Variants in C14orf132 observed in about 807,000 individuals in gnomAD.
The protein encoded by C14orf132 is uncharacterized protein C14orf132.
A neutral mutation model predicts 5.8 loss-of-function variants in C14orf132; 6 were observed. The observed-to-expected ratio is 1.03, with a 90% CI of 0.57 to 2.04. C14orf132 has a LOEUF of 2.04. C14orf132 is among the 30% of genes most tolerant of loss of function. The probability of loss-of-function intolerance (pLI) is 0.00; values close to 1 mark genes in which losing one functional copy is unlikely to be tolerated. For missense variants in C14orf132, 125 were observed against 115.8 expected (o/e 1.08, Z -0.37); for synonymous variants, 51 against 49.8 (o/e 1.02, Z -0.10).
At chr14:96,047,566 C>G (rs1886863896) in intron 1 of C14orf132, among the ~76,000 whole-genome samples, 1 of 152,198 alleles carries the variant, frequency 6.6e-6, no homozygotes, top group Non-Finnish European at 1.5e-5. Flanking sequence ...CAGACAAACC[C>G]TGTGCTGAGC....
At chr14:96,045,995 C>A (rs1886823524) in intron 1 of C14orf132, among the ~76,000 whole-genome samples, 1 of 152,184 alleles carries the variant, frequency 6.6e-6, no homozygotes, top group Non-Finnish European at 1.5e-5. Flanking sequence ...GGATTTCATC[C>A]TGCAAGGGCT....
At chr14:96,048,599 A>G (rs1289803887) in intron 1 of C14orf132, among the ~76,000 whole-genome samples, 5 of 151,988 alleles carry the variant, frequency 3.3e-5, no homozygotes, top group Admixed American at 1.3e-4. Context: ...ATCTCAGCTC[A>G]TTGCAATCTC....
intron 1 of C14orf132, among the ~76,000 whole-genome samples, chr14:96,063,722 G>T (rs112470062): frequency 6.8e-4 from 104 of 152,172 alleles, no homozygotes; most frequent in African/African-American, 2.5e-3. Flanking sequence ...TAAATAGCTG[G>T]GACCTAATTA....
intron 1 of C14orf132, among the ~76,000 whole-genome samples, chr14:96,059,828 C>T (rs1446427354): frequency 6.6e-6 from 1 of 152,220 alleles, no homozygotes; most frequent in East Asian, 1.9e-4. Flanking sequence ...GAGCTTTCTC[C>T]TGCTGAGGGT....
chr14:96,068,593 A>G (rs1887605217), intron 1 of C14orf132, among the ~76,000 whole-genome samples: 1 of 152,154 alleles, frequency 6.6e-6, no homozygotes, highest in Non-Finnish European at 1.5e-5. Flanking sequence ...TGCCTCCCTC[A>G]GGATGAGCAC....
chr14:96,090,748 T>G lies in C14orf132; in HGVS notation c.*4013T>G. 1 of 456,022 alleles carries G rather than the reference T, an allele frequency of 2.2e-6. No homozygotes were observed. Among genetic ancestry groups the G allele is most frequent in the African/African-American group, 2.0e-5 (1 of 50,188 alleles). 28.2% of individuals were successfully genotyped at this position (456,022 alleles called of 1,614,324 possible). The stretch of plus-strand genomic sequence containing the variant: ...ATTTCGCTGGAAAGGCAGCAGATGC[T>G]TTTCCAGCCCCGGTTCAGCTGGAAG... On this transcript the variant is annotated 3_prime_UTR_variant, in exon 2 of 2. Transcript: ENST00000555004.
At chr14:96,040,997 T>C (rs945037794) in intron 1 of C14orf132, among the ~76,000 whole-genome samples, 1 of 152,164 alleles carries the variant, frequency 6.6e-6, no homozygotes, top group Admixed American at 6.5e-5. Flanking sequence ...GGAGCATCAG[T>C]TGCTGCCATG....
intron 1 of C14orf132, among the ~76,000 whole-genome samples, chr14:96,055,774 G>A (rs769293384): frequency 6.6e-6 from 1 of 152,178 alleles, no homozygotes; most frequent in Non-Finnish European, 1.5e-5. Flanking sequence ...CAAGATCACT[G>A]TGATTTAGAG....
At position 96,086,690 on chromosome 14, in the gene C14orf132, G is replaced by A. The variant is rs1888203462; in HGVS notation, c.207G>A (p.Leu69=). ...TATGGATTGCCATCATAGCTACGCT[G>A]GGGAACATCGTGGTGGTGGGCGTGG... ...VLLWIAIIAT[L]GNIVVVGVVY... Residue 69 remains leucine (L), a synonymous_variant, in exon 2 of 2, where the codon CTG becomes CTA. Coordinates refer to ENST00000555004, the MANE Select transcript of C14orf132 (RefSeq NM_001252507.3). The A allele has an allele frequency of 6.5e-7, 1 of 1,536,032 alleles. No individual in the cohort carries two copies. Among genetic ancestry groups the A allele is most frequent in the Admixed American group, 2.0e-5 (1 of 50,980 alleles).
At chr14:96,059,797 T>C (rs1218299765) in intron 1 of C14orf132, among the ~76,000 whole-genome samples, 3 of 152,220 alleles carry the variant, frequency 2.0e-5, no homozygotes, top group Non-Finnish European at 4.4e-5. Context: ...ATCTGTTTCC[T>C]TTCTTCACTC....
intron 1 of C14orf132, among the ~76,000 whole-genome samples, chr14:96,048,140 A>T (rs2139644843): frequency 6.6e-6 from 1 of 152,298 alleles, no homozygotes; most frequent in South Asian, 2.1e-4. Flanking sequence ...TTGAGCTGAG[A>T]TCGAGCCATT....
chr14:96,045,777 A>C (rs2139642512), intron 1 of C14orf132, among the ~76,000 whole-genome samples: 1 of 152,370 alleles, frequency 6.6e-6, no homozygotes, highest in African/African-American at 2.4e-5. Flanking sequence ...CTTACTGCTT[A>C]TGACTTCAGT....
chr14:96,078,938 T>C (rs1887955117), intron 1 of C14orf132, among the ~76,000 whole-genome samples: 1 of 152,248 alleles, frequency 6.6e-6, no homozygotes, highest in African/African-American at 2.4e-5. Context: ...GCTTCAGCCC[T>C]CCCCGTCAGA....
chr14:96,087,094 C>A lies in C14orf132; in HGVS notation c.*359C>A. ...ATCGCTTGCTGGTGGTAAATAATCA[C>A]TCGTGTGTCTTGTTTTTATGCAAAC... On this transcript the variant is annotated 3_prime_UTR_variant, in exon 2 of 2. Transcript: ENST00000555004. 3.4e-6 allele frequency: 1 copy of A among 298,156 alleles called. No homozygotes were observed. Among genetic ancestry groups the A allele is most frequent in the Non-Finnish European group, 6.3e-6 (1 of 157,890 alleles). 18.5% of individuals were successfully genotyped at this position (298,156 alleles called of 1,614,324 possible).
intron 1 of C14orf132, among the ~76,000 whole-genome samples, chr14:96,074,166 A>G (rs963688468): frequency 6.6e-6 from 1 of 152,232 alleles, no homozygotes; most frequent in Non-Finnish European, 1.5e-5. Flanking sequence ...CCTTCTGCAC[A>G]TGGACCCCAG....
At chr14:96,081,047 A>G (rs545120171) in intron 1 of C14orf132, among the ~76,000 whole-genome samples, 1 of 152,344 alleles carries the variant, frequency 6.6e-6, no homozygotes, top group South Asian at 2.1e-4. Flanking sequence ...GTCTTTCCTT[A>G]TAAGAAACGA....
At chr14:96,065,655 T>A (rs7152797) in intron 1 of C14orf132, among the ~76,000 whole-genome samples, 1 of 150,518 alleles carries the variant, frequency 6.6e-6, no homozygotes. Context: ...CCTGACCCCC[T>A]CCACCCCCAG....
In C14orf132 at chr14:96,086,863, A is replaced by G; in HGVS notation, c.*128A>G. 1 of 899,040 alleles carries G rather than the reference A, an allele frequency of 1.1e-6. No individual in the cohort carries two copies. The highest frequency in any genetic ancestry group is 1.7e-5 in the South Asian group (1 of 58,026). The allele number at this position is 899,040 out of a possible 1,614,324, so 55.7% of individuals were successfully genotyped here. On this transcript the variant is annotated 3_prime_UTR_variant, in exon 2 of 2. Transcript: ENST00000555004. ...CAGGGGCGGCGGCCGTCCTTCTGGA[A>G]TTTCTCCCCAGCAGCCCTGATTTCA...
chr14:96,084,573 CTG>C (rs1016653870), intron 1 of C14orf132, among the ~76,000 whole-genome samples: 3 of 152,198 alleles, frequency 2.0e-5, no homozygotes, highest in Non-Finnish European at 4.4e-5. Flanking sequence ...GCATAAAAAA[CTG>C]TTGTAATATT....
Sources: gnomAD v4.1 joint callset for allele counts (sites outside exome capture counted in the v4.1 genomes callset) on GRCh38, gnomAD v4.1.1 for gene constraint, MANE v1.5 for transcripts, NCBI Gene and HGNC (gene_info 2026-07-23, HGNC 2026-07-21) for gene names.